Variants in AGL observed in about 807,000 individuals in gnomAD.
AGL encodes amylo-alpha-1,6-glucosidase and 4-alpha-glucanotransferase, also known as glycogen debranching enzyme.
A neutral mutation model predicts 199.3 loss-of-function variants in AGL; 128 were observed. That is an observed-to-expected ratio of 0.64 (90% CI 0.56 to 0.74). AGL has a LOEUF of 0.74. AGL is among the 30% of genes least tolerant of loss of function. The probability of loss-of-function intolerance (pLI) is 0.00; values close to 1 mark genes in which losing one functional copy is unlikely to be tolerated. For missense variants in AGL, 1,809 were observed against 1,820.8 expected (o/e 0.99, Z 0.12); for synonymous variants, 584 against 594.7 (o/e 0.98, Z 0.26).
At position 99,907,693 on chromosome 1, in the gene AGL, G is replaced by GTTTTTTTTGTTTGTTT. The variant is rs148390359; in HGVS notation, c.3701-3010_3701-3009insTTTGTTTTTTTTTTTG. Among the ~76,000 whole-genome samples, 23 of 118,974 alleles carry GTTTTTTTTGTTTGTTT rather than the reference G, an allele frequency of 1.9e-4. 2 individuals are homozygous for GTTTTTTTTGTTTGTTT. The South Asian group carries it at 5.8e-3, about 30-fold the overall frequency. 78.1% of individuals were successfully genotyped at this position (118,974 alleles called of 152,430 possible). ...TTTTGTTCGTTTGTTTTTGTTTTTT[G>GTTTTTTTTGTTTGTTT]TTTTTTTTGCTAGTAGCCATCCTAA... On this transcript the variant is annotated intron_variant, in intron 27 of 33. Transcript: ENST00000361915.
intron 21 of AGL, among the ~76,000 whole-genome samples, chr1:99,890,490 C>A: frequency 6.6e-6 from 1 of 152,054 alleles, no homozygotes; most frequent in Non-Finnish European, 1.5e-5. Flanking sequence ...AAACATGCTA[C>A]ATACCTAGTA....
At chr1:99,915,114 G>T (rs1204627718) in intron 30 of AGL, among the ~76,000 whole-genome samples, 1 of 152,110 alleles carries the variant, frequency 6.6e-6, no homozygotes, top group East Asian at 1.9e-4. Context: ...TCTGCCTTCA[G>T]TGTAGCTGTG....
intron 2 of AGL, among the ~76,000 whole-genome samples, chr1:99,854,887 T>C (rs1261162299): frequency 6.6e-6 from 1 of 151,142 alleles, no homozygotes; most frequent in Non-Finnish European, 1.5e-5. Flanking sequence ...AAGAAAAGGA[T>C]TGAACAGCCT....
chr1:99,850,933 CA>C, intron 1 of AGL, 41 bp from the exon 2 acceptor site: 1 of 916,098 alleles, frequency 1.1e-6, no homozygotes, highest in Non-Finnish European at 1.8e-6. Flanking sequence ...GAGTTTAAGG[CA>C]ATAGTTATTT....
At chr1:99,876,309 G>T in intron 10 of AGL, 149 bp from the exon 11 acceptor site, 1 of 616,998 alleles carries the variant, frequency 1.6e-6, no homozygotes, top group Non-Finnish European at 2.8e-6. Context: ...GAAGATTTTT[G>T]ACCTATATTG....
intron 25 of AGL, among the ~76,000 whole-genome samples, chr1:99,900,106 T>A (rs1420239954): frequency 1.3e-5 from 2 of 151,902 alleles, no homozygotes; most frequent in African/African-American, 4.8e-5. Flanking sequence ...ATTTTTGTAT[T>A]TTTAGTAGAG....
Position 99,876,597 on chromosome 1 carries a change from G to T in AGL, c.1423G>T (p.Gly475Cys). ...DDPLRNFAEP[G>C]SEVYLRRELI... ...TCCTCTTCGAAACTTTGCTGAACCG[G>T]GTATGTAATTTTTAACTTCTCTGTG... Residue 475 changes from glycine (G) to cysteine (C), a missense_variant and splice_region_variant, in exon 11 of 34, where the codon GGT becomes TGT. Physicochemically the swap from Gly to Cys is radical, Grantham distance 159. Transcript: ENST00000361915. 1.2e-6 allele frequency: 2 copies of T among 1,613,842 alleles called. No homozygotes were observed. Among genetic ancestry groups the T allele is most frequent in the Non-Finnish European group, 1.7e-6 (2 of 1,179,920 alleles).
chr1:99,907,605 C>A (rs1263835401), intron 27 of AGL, among the ~76,000 whole-genome samples: 1 of 151,342 alleles, frequency 6.6e-6, no homozygotes, highest in East Asian at 1.9e-4. Flanking sequence ...TATATCCTCA[C>A]CAATACTTGT....
chr1:99,881,247 C>T (rs1447207769), intron 15 of AGL, 45 bp from the exon 16 acceptor site: 2 of 1,613,632 alleles, frequency 1.2e-6, no homozygotes, highest in Non-Finnish European at 1.7e-6. Context: ...AAAAAAAATT[C>T]ATTGTAATTA....
At chr1:99,882,421 A>T (rs1052040617) in intron 17 of AGL, among the ~76,000 whole-genome samples, 3 of 152,210 alleles carry the variant, frequency 2.0e-5, no homozygotes, top group African/African-American at 7.2e-5. Flanking sequence ...GGAAAATAAT[A>T]TAACCTTATG....
At chr1:99,864,350 G>A (rs1557749272) in intron 4 of AGL, 36 bp from the exon 5 acceptor site, 1 of 1,555,106 alleles carries the variant, frequency 6.4e-7, no homozygotes, top group East Asian at 2.2e-5. Context: ...TTGTTTGTTT[G>A]TTTTTACAGT....
At chr1:99,904,757 C>G (rs978230580) in intron 27 of AGL, among the ~76,000 whole-genome samples, 3 of 152,140 alleles carry the variant, frequency 2.0e-5, no homozygotes, top group Admixed American at 1.3e-4. Flanking sequence ...GCATAATGCC[C>G]TTAAGATCCA....
At chr1:99,853,221 T>C (rs1487407340) in intron 2 of AGL, among the ~76,000 whole-genome samples, 2 of 152,220 alleles carry the variant, frequency 1.3e-5, no homozygotes, top group South Asian at 2.1e-4. Flanking sequence ...TAAGACATTC[T>C]GTAATGAGAC....
At chr1:99,859,339 AAG>A (rs10606259) in intron 2 of AGL, among the ~76,000 whole-genome samples, 1,913 of 150,796 alleles carry the variant, frequency 0.013, 27 homozygotes, top group African/African-American at 0.045. Context: ...AATGTATAAA[AAG>A]CATTTTTTCT....
intron 27 of AGL, among the ~76,000 whole-genome samples, chr1:99,904,562 C>T (rs1405439780): frequency 6.6e-6 from 1 of 152,040 alleles, no homozygotes; most frequent in Admixed American, 6.6e-5. Context: ...AGATACAGAA[C>T]TGGTCCATCA....
At chr1:99,914,869 G>C (rs1655001182) in intron 30 of AGL, among the ~76,000 whole-genome samples, 1 of 152,090 alleles carries the variant, frequency 6.6e-6, no homozygotes, top group South Asian at 2.1e-4. Flanking sequence ...TTGAGCTCAG[G>C]AGTTCAAGAT....
intron 5 of AGL, among the ~76,000 whole-genome samples, chr1:99,868,228 T>C (rs1029560733): frequency 3.9e-5 from 6 of 152,208 alleles, no homozygotes; most frequent in Admixed American, 1.3e-4. Context: ...AAAAAATATT[T>C]TCACTACCTA....
intron 10 of AGL, 112 bp from the exon 11 acceptor site, chr1:99,876,346 A>G: frequency 2.3e-6 from 2 of 865,978 alleles, no homozygotes; most frequent in Non-Finnish European, 3.5e-6. Context: ...AATAGCATCA[A>G]ACTTATTTTA....
chr1:99,882,346 T>A (rs994757584), intron 17 of AGL, among the ~76,000 whole-genome samples: 1 of 152,188 alleles, frequency 6.6e-6, no homozygotes, highest in African/African-American at 2.4e-5. Flanking sequence ...TATATGTATA[T>A]ATGTGTATAA....
Sources: gnomAD v4.1 joint callset for allele counts (sites outside exome capture counted in the v4.1 genomes callset) on GRCh38, gnomAD v4.1.1 for gene constraint, MANE v1.5 for transcripts, NCBI Gene and HGNC (gene_info 2026-07-23, HGNC 2026-07-21) for gene names.